Variants in SSBP1 observed in about 807,000 individuals in gnomAD.
The protein encoded by SSBP1 is single-stranded DNA-binding protein, mitochondrial.
Under a neutral mutation model 27.0 loss-of-function variants are expected in SSBP1, and 20 were observed. The ratio of observed to expected loss-of-function variants is 0.74; its 90% confidence interval spans 0.52 to 1.08. The LOEUF is 1.08. Among genes scored for constraint, SSBP1 ranks in the 50% least tolerant of loss-of-function variants. The pLI is 0.00. For synonymous variants in SSBP1, 59 were observed against 59.3 expected (o/e 1.00, Z 0.02); for missense variants, 137 against 182.4 (o/e 0.75, Z 1.44).
At position 141,741,608 on chromosome 7, in the gene SSBP1, G is replaced by A. The variant is rs567491145; in HGVS notation, c.25-561G>A. The A allele has an allele frequency of 4.3e-5, 7 of 161,200 alleles. No individual in the cohort carries two copies. The South Asian group carries it at 1.4e-3, about 33-fold the overall frequency. 10.0% of individuals were successfully genotyped at this position (161,200 alleles called of 1,614,324 possible). A position where few individuals can be genotyped will look rare whatever the true frequency, so the allele number is the denominator to read the frequency against. ...GATGGATTAAATCAGTACCCATGTTGGATCTAAATTTCTTAATTTCTAAAG... is the reference window on the plus strand; with the variant it reads ...GATGGATTAAATCAGTACCCATGTTAGATCTAAATTTCTTAATTTCTAAAG... On this transcript the variant is annotated intron_variant, in intron 2 of 6. Coordinates refer to ENST00000265304, the MANE Select transcript of SSBP1 (RefSeq NM_003143.3).
chr7:141,746,018 T>C (rs1799775086), intron 6 of SSBP1: 25 of 971,658 alleles, frequency 2.6e-5, no homozygotes, highest in Non-Finnish European at 3.1e-5. Context: ...AAATTAAGAT[T>C]TTTTTAATTT....
chr7:141,747,545 A>G (rs1410522578), intron 6 of SSBP1, among the ~76,000 whole-genome samples: 1 of 151,416 alleles, frequency 6.6e-6, no homozygotes, highest in Non-Finnish European at 1.5e-5. Context: ...ACGCGCCACC[A>G]CGCCCAGCTA....
At chr7:141,741,849 T>C (rs1584762255) in intron 2 of SSBP1, 1 of 1,013,566 alleles carries the variant, frequency 9.9e-7, no homozygotes, top group South Asian at 4.6e-5. Flanking sequence ...TGATACTATT[T>C]TGATTTTTCC....
intron 5 of SSBP1, among the ~76,000 whole-genome samples, chr7:141,745,137 C>T (rs1799727690): frequency 6.6e-6 from 1 of 152,148 alleles, no homozygotes; most frequent in Non-Finnish European, 1.5e-5. Context: ...AAGTGAAAAT[C>T]AAGTCTGTTA....
chr7:141,739,211 A>G, intron 2 of SSBP1, 21 bp downstream of exon 2: 1 of 1,574,662 alleles, frequency 6.4e-7, no homozygotes, highest in South Asian at 1.2e-5. Flanking sequence ...GTCTGTATTA[A>G]TACTGAGATG....
At chr7:141,745,313 C>A (rs796636654) in intron 5 of SSBP1, among the ~76,000 whole-genome samples, 183 bp from the exon 6 acceptor site, 1 of 152,254 alleles carries the variant, frequency 6.6e-6, no homozygotes, top group African/African-American at 2.4e-5. Context: ...CTAGATGTTA[C>A]CAAGTCTGTT....
chr7:141,742,555 A>G (rs765423006), intron 3 of SSBP1, among the ~76,000 whole-genome samples: 1 of 152,188 alleles, frequency 6.6e-6, no homozygotes, highest in Non-Finnish European at 1.5e-5. Flanking sequence ...TTCTTCACAG[A>G]AATATTCCCT....
chr7:141,747,725 G>T (rs1039198007), intron 6 of SSBP1, among the ~76,000 whole-genome samples: 13 of 151,360 alleles, frequency 8.6e-5, no homozygotes, highest in Middle Eastern at 3.4e-3. Flanking sequence ...TGGGCTGGAT[G>T]CAGTGGCTCA....
At chr7:141,748,146 ACC>A (rs1302003905) in intron 6 of SSBP1, among the ~76,000 whole-genome samples, 1 of 151,888 alleles carries the variant, frequency 6.6e-6, no homozygotes, top group African/African-American at 2.4e-5. Context: ...CAGCGACTTG[ACC>A]TACACCTGGA....
At chr7:141,749,106 A>G (rs918511903) in intron 6 of SSBP1, among the ~76,000 whole-genome samples, 18 of 152,262 alleles carry the variant, frequency 1.2e-4, no homozygotes, top group African/African-American at 4.3e-4. Context: ...AAAGAAACCA[A>G]TAAAAATAAT....
chr7:141,743,132 C>T lies in SSBP1; in HGVS notation c.86-429C>T, dbSNP rs184716264. Among the ~76,000 whole-genome samples the T allele has an allele frequency of 6.6e-3, 1,004 of 152,310 alleles. 8 individuals are homozygous for T. The highest frequency in any genetic ancestry group is 7.1e-3 in the Non-Finnish European group (484 of 68,020). Reference sequence around the variant, plus strand: ...CCTCCCAAAGTGCTGGGATTACAGGCGTGAGCCACCGCGCCCAGCCAGGTG... The same window carrying T: ...CCTCCCAAAGTGCTGGGATTACAGGTGTGAGCCACCGCGCCCAGCCAGGTG... On this transcript the variant is annotated intron_variant, in intron 3 of 6. Transcript: ENST00000265304.
intron 6 of SSBP1, among the ~76,000 whole-genome samples, chr7:141,749,246 A>G (rs558235084): frequency 6.6e-6 from 1 of 152,332 alleles, no homozygotes; most frequent in South Asian, 2.1e-4. Context: ...CATAGGTTAT[A>G]TGTGATTACT....
intron 1 of SSBP1, 195 bp from the exon 2 acceptor site, chr7:141,738,929 A>G (rs1799395049): frequency 7.2e-6 from 3 of 416,494 alleles, no homozygotes; most frequent in African/African-American, 4.1e-5. Context: ...ATTTGGGACC[A>G]AAAAGACATA....
intron 2 of SSBP1, chr7:141,740,243 A>G (rs1799477713): frequency 6.6e-6 from 1 of 152,184 alleles, no homozygotes; most frequent in South Asian, 2.1e-4. Flanking sequence ...TAGTGATAGG[A>G]TTAGATAGCC....
At chr7:141,741,749 C>T (rs1799540981) in intron 2 of SSBP1, 1 of 991,210 alleles carries the variant, frequency 1.0e-6, no homozygotes, top group Non-Finnish European at 1.2e-6. Context: ...GTCTTTCCAG[C>T]TAATGAAAGC....
chr7:141,750,278 G>T, intron 6 of SSBP1, 33 bp from the exon 7 acceptor site: 1 of 1,487,818 alleles, frequency 6.7e-7, no homozygotes, highest in South Asian at 1.2e-5. Flanking sequence ...AAAGAGTTCT[G>T]AAATTAATAT....
At chr7:141,741,623 A>T (rs917135012) in intron 2 of SSBP1, 14 of 193,082 alleles carry the variant, frequency 7.3e-5, no homozygotes, top group Middle Eastern at 2.6e-3. Context: ...TAAATTTCTT[A>T]ATTTCTAAAG....
chr7:141,742,261 A>G lies in SSBP1; in HGVS notation c.85+32A>G, dbSNP rs564721437. The G allele has an allele frequency of 1.1e-5, 17 of 1,515,088 alleles. No homozygotes were observed. The African/African-American group carries it at 2.0e-4, about 18-fold the overall frequency. 93.9% of individuals were successfully genotyped at this position (1,515,088 alleles called of 1,614,324 possible). On this transcript the variant is annotated intron_variant, in intron 3 of 6. Transcript: ENST00000265304. ...AGCTAATTTCCAAGTTTAAAATGTT[A>G]TTTTTAGTAATTTGCCAATCTCAAA...
At chr7:141,741,306 A>G (rs903112225) in intron 2 of SSBP1, 28 of 152,266 alleles carry the variant, frequency 1.8e-4, no homozygotes, top group Admixed American at 1.5e-3. Context: ...TGCTGATCTG[A>G]CAGGAGGCGG....
Sources: gnomAD v4.1 joint callset for allele counts (sites outside exome capture counted in the v4.1 genomes callset) on GRCh38, gnomAD v4.1.1 for gene constraint, MANE v1.5 for transcripts, NCBI Gene and HGNC (gene_info 2026-07-23, HGNC 2026-07-21) for gene names.